FKBP15: variants seen among roughly 807,000 people sequenced by gnomAD.
The protein encoded by FKBP15 is FKBP prolyl isomerase family member 15, also known as FK506-binding protein 15.
In FKBP15, 106 loss-of-function variants were observed where a neutral mutation model predicts 158.1. That is an observed-to-expected ratio of 0.67 (90% CI 0.57 to 0.79). FKBP15 has a LOEUF of 0.79. FKBP15 is among the 30% of genes least tolerant of loss of function. The probability of loss-of-function intolerance (pLI) is 0.00; values close to 1 mark genes in which losing one functional copy is unlikely to be tolerated. For synonymous variants in FKBP15, 547 were observed against 548.6 expected, an observed-to-expected ratio of 1.00 and a Z score of 0.04; for missense variants, 1,287 against 1,479.1, an observed-to-expected ratio of 0.87 and a Z score of 2.13.
At position 113,169,838 on chromosome 9, in the gene FKBP15, C is replaced by T; in HGVS notation, c.2871G>A (p.Gln957=). The T allele has an allele frequency of 6.4e-7, 1 of 1,558,204 alleles. No individual in the cohort carries two copies. Among genetic ancestry groups the T allele is most frequent in the Non-Finnish European group, 8.7e-7 (1 of 1,150,594 alleles). ...KAEERPRRPS[Q]EQSASASSGQ... is the part of the protein sequence containing the mutation. The stretch of plus-strand genomic sequence containing the variant: ...CAGAACTGGCTGAGGCTGACTGCTC[C>T]TGGGAAGGTCTTCGTGGCCGCTCTT... The change falls in exon 26 of 28, where the codon CAG becomes CAA. Residue 957 remains glutamine (Q), a synonymous_variant. Transcript: ENST00000238256.
At chr9:113,201,234 G>A (rs188329309) in intron 6 of FKBP15, among the ~76,000 whole-genome samples, 75 of 152,032 alleles carry the variant, frequency 4.9e-4, no homozygotes, top group Middle Eastern at 3.4e-3. Flanking sequence ...GTGCCAAAGT[G>A]TATTAAGAAC....
chr9:113,181,810 T>G (rs921810776), intron 19 of FKBP15, among the ~76,000 whole-genome samples: 23 of 152,100 alleles, frequency 1.5e-4, no homozygotes, highest in Non-Finnish European at 2.9e-4. Context: ...TAGTAAAAAG[T>G]ACATTTAGTG....
In FKBP15 at chr9:113,184,204, G is replaced by C. The variant is rs1257202428; in HGVS notation, c.1716+88C>G. ...GTAGCGTTTATCACAGGCTATTTCT[G>C]GGGTGGAGGTGTTAAAGAGTAGTAC... On this transcript the variant is annotated intron_variant, in intron 17 of 27. Coordinates refer to ENST00000238256, the MANE Select transcript of FKBP15 (RefSeq NM_015258.2). The surrounding 1 kb of genome is among the most constrained non-coding windows in gnomAD (Gnocchi z 4.5). 1.2e-6 allele frequency: 1 copy of C among 841,034 alleles called. No homozygotes were observed. Among genetic ancestry groups the C allele is most frequent in the Non-Finnish European group, 1.9e-6 (1 of 518,114 alleles). The allele number at this position is 841,034 out of a possible 1,614,324, so 52.1% of individuals were successfully genotyped here. A position where few individuals can be genotyped will look rare whatever the true frequency, so the allele number is the denominator to read the frequency against.
chr9:113,167,277 A>G (rs1276237466), intron 27 of FKBP15, among the ~76,000 whole-genome samples: 2 of 152,242 alleles, frequency 1.3e-5, no homozygotes, highest in African/African-American at 4.8e-5. Flanking sequence ...ATTAAATGAC[A>G]ACATCTGTGA....
In FKBP15 at chr9:113,168,843, C is replaced by G. The variant is rs1469422256; in HGVS notation, c.3486-287G>C. On this transcript the variant is annotated intron_variant, in intron 26 of 27. Coordinates refer to ENST00000238256, the MANE Select transcript of FKBP15 (RefSeq NM_015258.2). ...AAGTGGAACAACTCCTTTAGAATAGCACCCTGTTTCTTTTTTAAAAGGACT... is the reference window on the plus strand; with the variant it reads ...AAGTGGAACAACTCCTTTAGAATAGGACCCTGTTTCTTTTTTAAAAGGACT... Among the ~76,000 whole-genome samples the G allele has an allele frequency of 3.3e-5, 5 of 152,204 alleles. 1 individual carries two copies. The highest frequency in any genetic ancestry group is 1.2e-4 in the African/African-American group (5 of 41,452).
At chr9:113,190,665 T>A in intron 11 of FKBP15, 87 bp from the exon 12 acceptor site, 1 of 920,710 alleles carries the variant, frequency 1.1e-6, no homozygotes, top group Non-Finnish European at 1.7e-6. Context: ...TTGTATCAAA[T>A]CCTTCAACAA....
rs1281745588 is a variant in FKBP15, at chr9:113,221,247, G to T, written c.-4C>A. 6.2e-7 allele frequency: 1 copy of T among 1,605,580 alleles called. No homozygotes were observed. Among genetic ancestry groups the T allele is most frequent in the Non-Finnish European group, 8.5e-7 (1 of 1,176,340 alleles). Reference sequence around the variant, plus strand: ...CCTCGTCCCCCGCACCGAACATTGCGTTGGCTTTCACCGGGTTGCGGGGAG... The same window carrying T: ...CCTCGTCCCCCGCACCGAACATTGCTTTGGCTTTCACCGGGTTGCGGGGAG... On this transcript the variant is annotated 5_prime_UTR_variant, in exon 1 of 28. Transcript: ENST00000238256.
At chr9:113,176,783 C>T in intron 20 of FKBP15, 110 bp from the exon 21 acceptor site, 1 of 1,240,608 alleles carries the variant, frequency 8.1e-7, no homozygotes, top group Non-Finnish European at 1.1e-6. Context: ...AAGCCTTGCT[C>T]CATCACTCAG....
Position 113,162,312 on chromosome 9 carries a change from TAA to T in FKBP15, c.*3764_*3765del. 1 of 226,682 alleles carries T rather than the reference TAA, an allele frequency of 4.4e-6. No individual in the cohort carries two copies. The highest frequency in any genetic ancestry group is 8.7e-6 in the Non-Finnish European group (1 of 114,794). 14.0% of individuals were successfully genotyped at this position (226,682 alleles called of 1,614,324 possible). ...TAAGGAATCTTACGTTCAGAGAGGT[TAA>T]GACATTTGTCTAGGCCACTTTTAGT... On this transcript the variant is annotated 3_prime_UTR_variant, in exon 28 of 28. Transcript: ENST00000238256.
chr9:113,206,111 A>G (rs1363616968), intron 4 of FKBP15: 1 of 167,226 alleles, frequency 6.0e-6, no homozygotes, highest in Non-Finnish European at 1.3e-5. Flanking sequence ...GAATGCAATT[A>G]ATGGCACTGG....
In FKBP15 at chr9:113,169,239, T is replaced by C; in HGVS notation, c.3470A>G (p.His1157Arg). The C allele has an allele frequency of 1.2e-6, 2 of 1,613,286 alleles. No individual in the cohort carries two copies. The highest frequency in any genetic ancestry group is 1.1e-5 in the South Asian group (1 of 91,020). ...AGGAACATACCTGGAACGCTGGGAA[T>C]GATGGCTGGGTCTGAGGGCTGCTCC... is the stretch of plus-strand genomic sequence containing the variant. ...VAGAALRPSH[H>R]SQRSSLSGDE... is the part of the protein sequence containing the mutation. The change falls in exon 26 of 28, where the codon CAT (histidine) becomes CGT (arginine). Residue 1157 changes from histidine (H) to arginine (R), a missense_variant. By Grantham distance (29) the His-to-Arg change is conservative. Transcript: ENST00000238256.
In FKBP15 at chr9:113,188,531, T is replaced by C. The variant is rs1353217370; in HGVS notation, c.1174-40A>G. 6 of 1,544,246 alleles carry C rather than the reference T, an allele frequency of 3.9e-6. No homozygotes were observed. The Admixed American group carries it at 8.4e-5, about 22-fold the overall frequency. The stretch of plus-strand genomic sequence containing the variant: ...AGCGTTTGGGTTACTCTGTACGGGG[T>C]CCCTCATTGAAGACTGAGGCTGACT... On this transcript the variant is annotated intron_variant, in intron 12 of 27. Transcript: ENST00000238256.
intron 26 of FKBP15, 101 bp from the exon 27 acceptor site, chr9:113,168,657 G>A: frequency 1.0e-6 from 1 of 974,098 alleles, no homozygotes; most frequent in African/African-American, 1.6e-5. Flanking sequence ...GAATTCAACA[G>A]CGTTGGTGAC....
At chr9:113,188,660 C>G (rs890692804) in intron 12 of FKBP15, 169 bp from the exon 13 acceptor site, 11 of 584,444 alleles carry the variant, frequency 1.9e-5, no homozygotes, top group East Asian at 1.1e-4. Flanking sequence ...GGAGAAAAAG[C>G]ACTCTGCTAT....
intron 14 of FKBP15, 159 bp downstream of exon 14, chr9:113,187,634 G>A: frequency 1.6e-6 from 1 of 626,474 alleles, no homozygotes; most frequent in South Asian, 2.0e-5. Context: ...TCCTTTGCCT[G>A]GTTTAGAGAT....
At chr9:113,172,620 G>A (rs1055315096) in intron 23 of FKBP15, among the ~76,000 whole-genome samples, 1 of 152,092 alleles carries the variant, frequency 6.6e-6, no homozygotes, top group Non-Finnish European at 1.5e-5. Flanking sequence ...CGACTTCAAC[G>A]CAAAACTTCA....
At chr9:113,221,127 C>T (rs1378886074) in intron 1 of FKBP15, 64 bp downstream of exon 1, 4 of 1,514,182 alleles carry the variant, frequency 2.6e-6, no homozygotes, top group Non-Finnish European at 3.6e-6. Flanking sequence ...AGATCGACCC[C>T]CCTCCAACAA....
chr9:113,198,729 A>T lies in FKBP15; in HGVS notation c.717+126T>A. ...ATCGTGCCATTGCACTCCAGCTTGA[A>T]CAACAAGAGCGAAACTCCGTCTCAA... On this transcript the variant is annotated intron_variant, in intron 8 of 27. Transcript: ENST00000238256. This position sits in a 1 kb window ranked among gnomAD's most constrained non-coding sequence, Gnocchi z 5.2. 1.4e-6 allele frequency: 1 copy of T among 706,034 alleles called. No homozygotes were observed. Among genetic ancestry groups the T allele is most frequent in the African/African-American group, 1.8e-5 (1 of 55,090 alleles). 43.7% of individuals were successfully genotyped at this position (706,034 alleles called of 1,614,324 possible).
rs1830058700 is a variant in FKBP15, at chr9:113,163,942, AT to A, written c.*2135del. On this transcript the variant is annotated 3_prime_UTR_variant, in exon 28 of 28. Transcript: ENST00000238256. ...TGGGCAGGTACTGACTGAAGATGCAATCCAACCAAAGCCATTACATTTTTTG... is the reference window on the plus strand; with the variant it reads ...TGGGCAGGTACTGACTGAAGATGCAACCAACCAAAGCCATTACATTTTTTG... The A allele has an allele frequency of 6.6e-6, 1 of 152,600 alleles. No homozygotes were observed. Among genetic ancestry groups the A allele is most frequent in the African/African-American group, 2.4e-5 (1 of 41,430 alleles). The allele number at this position is 152,600 out of a possible 1,614,324, so 9.5% of individuals were successfully genotyped here.
Sources: gnomAD v4.1 joint callset for allele counts (sites outside exome capture counted in the v4.1 genomes callset) on GRCh38, gnomAD v4.1.1 for gene constraint, Gnocchi (gnomAD v3.1) non-coding constraint, MANE v1.5 for transcripts, NCBI Gene and HGNC (gene_info 2026-07-23, HGNC 2026-07-21) for gene names.